Variants in CLEC4E observed in about 807,000 individuals in gnomAD.
The protein encoded by CLEC4E is C-type lectin domain family 4 member E, also known as C-type (calcium dependent, carbohydrate-recognition domain) lectin, superfamily member 9.
CLEC4E carries 21 observed loss-of-function variants against 24.7 expected under a neutral mutation model. The ratio of observed to expected loss-of-function variants is 0.85; its 90% CI spans 0.60 to 1.22. CLEC4E has a LOEUF of 1.22. CLEC4E is among the 50% of genes most tolerant of loss of function. CLEC4E has a pLI of 0.00. For missense variants in CLEC4E, 249 were observed against 254.1 expected, an observed-to-expected ratio of 0.98 and a Z score of 0.14; for synonymous variants, 94 against 85.7, an observed-to-expected ratio of 1.10 and a Z score of -0.54.
chr12:8,537,341 G>T, intron 3 of CLEC4E, 75 bp from the exon 4 acceptor site: 1 of 1,415,502 alleles, frequency 7.1e-7, no homozygotes, highest in Admixed American at 1.9e-5. Context: ...CTGGCCCCAT[G>T]GAGTCCTCAT....
At chr12:8,537,422 A>G (rs1467134136) in intron 3 of CLEC4E, among the ~76,000 whole-genome samples, 156 bp from the exon 4 acceptor site, 1 of 152,208 alleles carries the variant, frequency 6.6e-6, no homozygotes, top group Non-Finnish European at 1.5e-5. Flanking sequence ...GATAATTCCA[A>G]TGTCAAGAAA....
rs1258064619 is a variant in CLEC4E at position 8,534,595 on chromosome 12, C to CT, written c.*42dup. On this transcript the variant is annotated 3_prime_UTR_variant, in exon 6 of 6. Transcript: ENST00000299663. Reference sequence around the variant, plus strand: ...GTGGGGCGGTGGGTGTGGCCATGTTCTTGCTCTTCCTTCTTTACACATTTG... The same window carrying CT: ...GTGGGGCGGTGGGTGTGGCCATGTTCTTTGCTCTTCCTTCTTTACACATTTG... The CT allele has an allele frequency of 6.5e-7, 1 of 1,540,434 alleles. No individual in the cohort carries two copies. The highest frequency in any genetic ancestry group is 1.8e-5 in the Admixed American group (1 of 56,202).
rs774275717 is a variant in CLEC4E, at chr12:8,535,427, C to T, written c.489-618G>A. Among the ~76,000 whole-genome samples the T allele has an allele frequency of 2.6e-5, 4 of 152,222 alleles. No homozygotes were observed. In the South Asian group the frequency reaches 8.3e-4, roughly 32 times the overall value. On this transcript the variant is annotated intron_variant, in intron 5 of 5. Transcript: ENST00000299663. Reference sequence around the variant, plus strand: ...GAGAAAAAAAATTAAAAATGCTATGCTCTATCAGGAAGAATACCTAATGGA... The same window carrying T: ...GAGAAAAAAAATTAAAAATGCTATGTTCTATCAGGAAGAATACCTAATGGA...
chr12:8,537,723 C>A (rs1458402221), intron 3 of CLEC4E, among the ~76,000 whole-genome samples: 1 of 152,186 alleles, frequency 6.6e-6, no homozygotes, highest in Non-Finnish European at 1.5e-5. Context: ...AGGCAAGAGA[C>A]AGAGGACACG....
chr12:8,536,409 T>A (rs935761266), intron 4 of CLEC4E, among the ~76,000 whole-genome samples: 2 of 151,938 alleles, frequency 1.3e-5, no homozygotes, highest in African/African-American at 4.8e-5. Context: ...TATAAAAAAA[T>A]TTGCCAGGCA....
At position 8,540,843 on chromosome 12, in the gene CLEC4E, C is replaced by T. The variant is rs867916015; in HGVS notation, c.-46G>A. ...TTTGTTTCTCTCTCTCTCTTTTTCT[C>T]TCCCTCCCTCTCTTTCTTTCTCCTC... On this transcript the variant is annotated 5_prime_UTR_variant, in exon 1 of 6. Transcript: ENST00000299663. The T allele has an allele frequency of 3.1e-6, 3 of 955,618 alleles. 1 individual carries two copies. The South Asian group carries it at 4.2e-5, about 14-fold the overall frequency. 59.2% of individuals were successfully genotyped at this position (955,618 alleles called of 1,614,324 possible). A position where few individuals can be genotyped will look rare whatever the true frequency, so the allele number is the denominator to read the frequency against.
rs370465246 is a variant in CLEC4E at position 8,539,318 on chromosome 12, A to T, written c.131-12T>A. The T allele has an allele frequency of 3.4e-5, 53 of 1,572,226 alleles. No homozygotes were observed. The highest frequency in any genetic ancestry group is 4.4e-5 in the Non-Finnish European group (50 of 1,145,240). On this transcript the variant is annotated splice_polypyrimidine_tract_variant and intron_variant, in intron 2 of 5. Coordinates refer to ENST00000299663, the MANE Select transcript of CLEC4E (RefSeq NM_014358.4). Reference sequence around the variant, plus strand: ...GATGCGAAATGTCACTGTAAAAGAAAGGGCATAATGTTTGTTAGTCTTATT... The same window carrying T: ...GATGCGAAATGTCACTGTAAAAGAATGGGCATAATGTTTGTTAGTCTTATT...
rs780929518 is a variant in CLEC4E, at chr12:8,536,211, G to A, written c.373-6C>T. ...TTCTTGTAGGAAAGGAATTCCTATGGAAGATACAAAATAAAAGGAGATCAG... is the reference window on the plus strand; with the variant it reads ...TTCTTGTAGGAAAGGAATTCCTATGAAAGATACAAAATAAAAGGAGATCAG... On this transcript the variant is annotated splice_region_variant and splice_polypyrimidine_tract_variant and intron_variant, in intron 4 of 5. Transcript: ENST00000299663. The A allele has an allele frequency of 4.1e-6, 6 of 1,449,176 alleles. No homozygotes were observed. Among genetic ancestry groups the A allele is most frequent in the South Asian group, 1.1e-5 (1 of 87,540 alleles). The allele number at this position is 1,449,176 out of a possible 1,614,324, so 89.8% of individuals were successfully genotyped here. A position where few individuals can be genotyped will look rare whatever the true frequency, so the allele number is the denominator to read the frequency against.
At chr12:8,540,056 G>T in intron 1 of CLEC4E, 109 bp from the exon 2 acceptor site, 1 of 755,478 alleles carries the variant, frequency 1.3e-6, no homozygotes, top group Admixed American at 2.1e-5. Flanking sequence ...TCCATTGTTT[G>T]TACTGAGTAA....
Position 8,534,488 on chromosome 12 carries a change from A to T in CLEC4E, c.*150T>A, listed in dbSNP as rs1203223144. On this transcript the variant is annotated 3_prime_UTR_variant, in exon 6 of 6. Coordinates refer to ENST00000299663, the MANE Select transcript of CLEC4E (RefSeq NM_014358.4). ...TTCAGCCAGTAACATGAATTATAAC[A>T]TTTAAAACTACTTATTTTTATTTAT... 8.9e-6 allele frequency: 5 copies of T among 562,750 alleles called. No individual in the cohort carries two copies. 34.9% of individuals were successfully genotyped at this position (562,750 alleles called of 1,614,324 possible).
chr12:8,539,154 C>T, intron 3 of CLEC4E, 63 bp downstream of exon 3: 2 of 1,164,310 alleles, frequency 1.7e-6, no homozygotes, highest in East Asian at 4.8e-5. Flanking sequence ...GTCCCAAAGT[C>T]AATCTAGAAG....
chr12:8,540,671 A>G, intron 1 of CLEC4E, 90 bp downstream of exon 1: 1 of 1,161,056 alleles, frequency 8.6e-7, no homozygotes, highest in Non-Finnish European at 1.3e-6. Flanking sequence ...AACTTCAGTG[A>G]ATACTTTTCT....
intron 3 of CLEC4E, 98 bp from the exon 4 acceptor site, chr12:8,537,364 C>A (rs1342814238): frequency 9.1e-7 from 1 of 1,104,792 alleles, no homozygotes; most frequent in Non-Finnish European, 1.3e-6. Context: ...AAGTCAGAAG[C>A]CTTGGAATCA....
intron 4 of CLEC4E, among the ~76,000 whole-genome samples, chr12:8,536,766 C>T (rs78789373): frequency 0.02 from 3,039 of 152,120 alleles, 68 homozygotes; most frequent in African/African-American, 0.057. Context: ...ATATATCTAG[C>T]GCAAAATATT....
At position 8,537,246 on chromosome 12, in the gene CLEC4E, G is replaced by A. The variant is rs775618534; in HGVS notation, c.241C>T (p.Pro81Ser). The A allele has an allele frequency of 2.5e-6, 4 of 1,613,600 alleles. No individual in the cohort carries two copies. Among genetic ancestry groups the A allele is most frequent in the Admixed American group, 3.3e-5 (2 of 60,010 alleles). Reference sequence around the variant, plus strand: ...GATTGAAAATATTCCCAGTTCAATGGACAACAATTCTTGACTGAACCTAGG... The same window carrying A: ...GATTGAAAATATTCCCAGTTCAATGAACAACAATTCTTGACTGAACCTAGG... ...YGSGSVKNCC[P>S]LNWEYFQSSC... Residue 81 changes from proline (P) to serine (S), a missense_variant, in exon 4 of 6, where the codon CCA becomes TCA. Coordinates refer to ENST00000299663, the MANE Select transcript of CLEC4E (RefSeq NM_014358.4).
At chr12:8,540,702 A>G in intron 1 of CLEC4E, 59 bp downstream of exon 1, 1 of 1,459,288 alleles carries the variant, frequency 6.9e-7, no homozygotes, top group Non-Finnish European at 9.6e-7. Flanking sequence ...CTTTCACCAT[A>G]TTTATCACTT....
chr12:8,533,792 C>T lies in CLEC4E; in HGVS notation c.*846G>A, dbSNP rs183992696. On this transcript the variant is annotated 3_prime_UTR_variant, in exon 6 of 6. Coordinates refer to ENST00000299663, the MANE Select transcript of CLEC4E (RefSeq NM_014358.4). ...AAATAATCTGTACAACAAACCTCCA[C>T]GACATGAGTTTACCTATATAAAAAG... The T allele has an allele frequency of 1.3e-5, 2 of 152,124 alleles. No individual in the cohort carries two copies. Among genetic ancestry groups the T allele is most frequent in the Admixed American group, 6.5e-5 (1 of 15,276 alleles). The allele number at this position is 152,124 out of a possible 1,614,324, so 9.4% of individuals were successfully genotyped here. A position where few individuals can be genotyped will look rare whatever the true frequency, so the allele number is the denominator to read the frequency against.
In CLEC4E at chr12:8,537,023, T is replaced by C. The variant is rs771165194; in HGVS notation, c.372+92A>G. ...TGCATTTTAGTACATTCATTAACAA[T>C]AGTCATTGGGGGTCAAGCACTGTGC... On this transcript the variant is annotated intron_variant, in intron 4 of 5. Coordinates refer to ENST00000299663, the MANE Select transcript of CLEC4E (RefSeq NM_014358.4). 7.9e-6 allele frequency: 9 copies of C among 1,136,692 alleles called. No homozygotes were observed. The South Asian group carries it at 1.9e-4, about 24-fold the overall frequency. The allele number at this position is 1,136,692 out of a possible 1,614,324, so 70.4% of individuals were successfully genotyped here. A position where few individuals can be genotyped will look rare whatever the true frequency, so the allele number is the denominator to read the frequency against.
intron 5 of CLEC4E, 48 bp downstream of exon 5, chr12:8,536,042 G>T (rs1212209141): frequency 1.9e-6 from 2 of 1,072,592 alleles, no homozygotes; most frequent in Admixed American, 1.8e-5. Flanking sequence ...TCTATTGCAG[G>T]TAACAGAAGG....
Sources: gnomAD v4.1 joint callset for allele counts (sites outside exome capture counted in the v4.1 genomes callset) on GRCh38, gnomAD v4.1.1 for gene constraint, MANE v1.5 for transcripts, NCBI Gene and HGNC (gene_info 2026-07-23, HGNC 2026-07-21) for gene names.